Variants in AMD1 observed in about 807,000 individuals in gnomAD.
AMD1 encodes the protein S-adenosylmethionine decarboxylase proenzyme.
A neutral mutation model predicts 40.2 loss-of-function variants in AMD1; 11 were observed. The ratio of observed to expected loss-of-function variants is 0.27; its 90% CI spans 0.17 to 0.45. The LOEUF (loss-of-function observed/expected upper bound fraction) is 0.45, where lower values mean the gene tolerates loss of function less well. AMD1 is among the 20% of genes least tolerant of loss of function. The probability of loss-of-function intolerance (pLI) is 1.00; values close to 1 mark genes in which losing one functional copy is unlikely to be tolerated. For synonymous variants in AMD1, 121 were observed against 130.8 expected (o/e 0.93, Z 0.51); for missense variants, 257 against 410.2 (o/e 0.63, Z 3.23).
intron 1 of AMD1, among the ~76,000 whole-genome samples, chr6:110,875,866 T>C (rs1179478870): frequency 1.3e-5 from 2 of 151,986 alleles, no homozygotes; most frequent in Non-Finnish European, 2.9e-5. Flanking sequence ...TCCCCTAACA[T>C]GCTCTGCGCC....
At chr6:110,874,741 G>A (rs706940), upstream of AMD1, 54 of 167,436 alleles carry the variant, frequency 3.2e-4, no homozygotes, top group African/African-American at 1.0e-3. Flanking sequence ...TGGTCTTTTG[G>A]GGGGAGCCGG....
In AMD1 at chr6:110,874,858, A is replaced by G. The variant is rs1785011927; in HGVS notation, c.-248A>G. On this transcript the variant is annotated 5_prime_UTR_variant, in exon 1 of 9. Transcript: ENST00000368885. ...TCTAACGGGAAAGCAGCGGAATACAAGAGACTGAACTGTATCTGCCTCTAT... is the reference window on the plus strand; with the variant it reads ...TCTAACGGGAAAGCAGCGGAATACAGGAGACTGAACTGTATCTGCCTCTAT... The G allele has an allele frequency of 2.2e-6, 1 of 463,094 alleles. No homozygotes were observed. Among genetic ancestry groups the G allele is most frequent in the African/African-American group, 2.0e-5 (1 of 50,436 alleles). The allele number at this position is 463,094 out of a possible 1,614,324, so 28.7% of individuals were successfully genotyped here. A position where few individuals can be genotyped will look rare whatever the true frequency, so the allele number is the denominator to read the frequency against.
At chr6:110,837,310 T>TAAA in the AMD1 span, among the ~76,000 whole-genome samples, 2 of 100,952 alleles carry the variant, frequency 2.0e-5, no homozygotes, top group African/African-American at 3.6e-5. Flanking sequence ...TATTTAAAAC[T>TAAA]AAAAAAAAAA....
At chr6:110,823,661 G>A in the AMD1 span, among the ~76,000 whole-genome samples, 1 of 152,116 alleles carries the variant, frequency 6.6e-6, no homozygotes, top group African/African-American at 2.4e-5. Context: ...CTAGTTCCTT[G>A]AGAGCTAGAG....
At chr6:110,824,687 T>C in the AMD1 span, among the ~76,000 whole-genome samples, 2 of 151,878 alleles carry the variant, frequency 1.3e-5, no homozygotes, top group Non-Finnish European at 2.9e-5. Context: ...GGCAAAAAAA[T>C]AAAAATTAAA....
Position 110,892,310 on chromosome 6 carries a change from C to G in AMD1, c.482C>G (p.Thr161Ser). Residue 161 changes from threonine to serine, a missense_variant, in exon 6 of 9, where the codon ACT (threonine) becomes AGT (serine). Thr to Ser is a moderately conservative substitution (Grantham distance 58). Transcript: ENST00000368885. Reference sequence around the variant, plus strand: ...TAATTTTTATTTAGGTACTTATATACTCTGGATTTCCCAGAGAGTCGGGTA... The same window carrying G: ...TAATTTTTATTTAGGTACTTATATAGTCTGGATTTCCCAGAGAGTCGGGTA... ...RMNSDCWYLY[T>S]LDFPESRVIS... is the part of the protein sequence containing the mutation. 6.2e-7 allele frequency: 1 copy of G among 1,613,868 alleles called. No individual in the cohort carries two copies. Among genetic ancestry groups the G allele is most frequent in the Non-Finnish European group, 8.5e-7 (1 of 1,180,020 alleles).
the AMD1 span, among the ~76,000 whole-genome samples, chr6:110,868,439 G>A: frequency 4.6e-5 from 7 of 151,964 alleles, no homozygotes; most frequent in Non-Finnish European, 7.4e-5. Flanking sequence ...GTGAGCCACC[G>A]GGCCCGGACG....
Position 110,882,408 on chromosome 6 carries a change from G to A in AMD1, c.111-5097G>A, listed in dbSNP as rs58530912. ...GCAATTACTCAGCTCTGCCCTTATA[G>A]GGAGAAAATAACCATAGTCAATGTA... On this transcript the variant is annotated intron_variant, in intron 1 of 8. Transcript: ENST00000368885. 3.0e-3 allele frequency among the ~76,000 whole-genome samples: 452 copies of A among 152,314 alleles called. 2 individuals are homozygous for A. Among genetic ancestry groups the A allele is most frequent in the African/African-American group, 0.01 (430 of 41,568 alleles).
intron 1 of AMD1, among the ~76,000 whole-genome samples, chr6:110,876,632 G>A (rs532690135): frequency 2.0e-5 from 3 of 151,586 alleles, no homozygotes; most frequent in Non-Finnish European, 2.9e-5. Context: ...TTCAAGCTTC[G>A]TGTGACACTT....
intron 1 of AMD1, among the ~76,000 whole-genome samples, chr6:110,879,600 T>C (rs551465728): frequency 4.7e-4 from 72 of 152,054 alleles, no homozygotes; most frequent in Non-Finnish European, 8.2e-4. Context: ...CTAGCTTTAC[T>C]CAAGAATGAT....
chr6:110,874,516 A>C (rs1583207231), upstream of AMD1, among the ~76,000 whole-genome samples: 3 of 150,888 alleles, frequency 2.0e-5, no homozygotes, highest in East Asian at 1.9e-4. Flanking sequence ...CGCTCTCCCC[A>C]CCCACTCTGC....
At chr6:110,815,270 C>T in the AMD1 span, 1,504 of 1,041,342 alleles carry the variant, frequency 1.4e-3, 4 homozygotes, top group Non-Finnish European at 1.8e-3. Flanking sequence ...GCCCGCCGCC[C>T]GCCGCTCCGC....
chr6:110,859,053 G>A, the AMD1 span: 1 of 1,251,916 alleles, frequency 8.0e-7, no homozygotes, highest in East Asian at 2.3e-5. Flanking sequence ...GTTCTGCCCA[G>A]AAGGCACAGT....
At chr6:110,831,676 G>C in the AMD1 span, among the ~76,000 whole-genome samples, 1 of 152,006 alleles carries the variant, frequency 6.6e-6, no homozygotes, top group Non-Finnish European at 1.5e-5. Context: ...TTTCCTCTGA[G>C]GAGCCAATGT....
intron 1 of AMD1, among the ~76,000 whole-genome samples, chr6:110,877,218 A>AT (rs1434458341): frequency 6.6e-6 from 1 of 152,244 alleles, no homozygotes; most frequent in African/African-American, 2.4e-5. Flanking sequence ...TTGAACAACT[A>AT]TTGGTAGTAC....
chr6:110,881,794 C>T (rs1173866938), intron 1 of AMD1, among the ~76,000 whole-genome samples: 2 of 149,548 alleles, frequency 1.3e-5, no homozygotes, highest in Non-Finnish European at 3.0e-5. Context: ...CACTGCACTC[C>T]AGCCTAGGTG....
intron 1 of AMD1, among the ~76,000 whole-genome samples, chr6:110,876,550 C>A (rs918158043): frequency 1.3e-5 from 2 of 152,098 alleles, no homozygotes; most frequent in Non-Finnish European, 2.9e-5. Flanking sequence ...CGGTTTCTAG[C>A]AGTGTATCTT....
intron 1 of AMD1, among the ~76,000 whole-genome samples, chr6:110,882,812 G>C (rs1785480390): frequency 6.6e-6 from 1 of 152,204 alleles, no homozygotes; most frequent in Non-Finnish European, 1.5e-5. Flanking sequence ...ATTAACTGAT[G>C]ATGAGTGAGT....
the AMD1 span, among the ~76,000 whole-genome samples, chr6:110,859,874 G>A: frequency 6.6e-6 from 1 of 152,100 alleles, no homozygotes; most frequent in African/African-American, 2.4e-5. Context: ...TTGTTGCCCA[G>A]GCTGGAGTGC....
Sources: allele counts gnomAD v4.1 joint callset (sites outside exome capture counted in the v4.1 genomes callset), GRCh38; gene constraint gnomAD v4.1.1; transcripts MANE v1.5; gene names NCBI Gene and HGNC (gene_info 2026-07-23, HGNC 2026-07-21).